Variants in TDRD9 observed in about 807,000 individuals in gnomAD.
The protein encoded by TDRD9 is tudor domain containing 9, also known as ATP-dependent RNA helicase TDRD9.
A neutral mutation model predicts 172.6 loss-of-function variants in TDRD9; 124 were observed. The observed-to-expected ratio is 0.72, with a 90% CI of 0.62 to 0.83. The LOEUF is 0.83. Ranked by LOEUF, TDRD9 falls within the 40% of genes least tolerant of loss-of-function variation. The pLI, the probability that TDRD9 is intolerant of heterozygous loss-of-function variation, is 0.00. For synonymous variants in TDRD9, 619 were observed against 617.1 expected (o/e 1.00, Z -0.05); for missense variants, 1,479 against 1,714.1 (o/e 0.86, Z 2.42).
chr14:103,991,882 G>A (rs190199718), intron 9 of TDRD9, among the ~76,000 whole-genome samples: 10 of 151,986 alleles, frequency 6.6e-5, no homozygotes, highest in African/African-American at 2.2e-4. Flanking sequence ...CTAAGCCTCC[G>A]AAGTAGCTGG....
chr14:104,035,822 CCTTTT>C (rs1224622977), intron 32 of TDRD9, among the ~76,000 whole-genome samples: 4 of 151,950 alleles, frequency 2.6e-5, no homozygotes, highest in Non-Finnish European at 4.4e-5. Context: ...GGAAAGTTAC[CCTTTT>C]CTTCTTTTCT....
At chr14:104,002,932 T>A (rs781608280) in intron 13 of TDRD9, among the ~76,000 whole-genome samples, 1 of 152,222 alleles carries the variant, frequency 6.6e-6, no homozygotes, top group Admixed American at 6.5e-5. Flanking sequence ...GGTTTCACCA[T>A]GTTGGCCAGG....
chr14:104,025,336 G>A (rs548000058), intron 25 of TDRD9, among the ~76,000 whole-genome samples: 3 of 152,116 alleles, frequency 2.0e-5, no homozygotes, highest in African/African-American at 4.8e-5. Flanking sequence ...GTCTTGTACC[G>A]CCAAGAAAAG....
intron 20 of TDRD9, among the ~76,000 whole-genome samples, chr14:104,012,933 C>A (rs977891719): frequency 6.6e-6 from 1 of 152,126 alleles, no homozygotes; most frequent in Non-Finnish European, 1.5e-5. Context: ...TTGTTCATTT[C>A]TGATTTTATT....
Position 104,026,854 on chromosome 14 carries a change from C to T in TDRD9, c.3197C>T (p.Ser1066Leu), listed in dbSNP as rs2035137718. 6.2e-7 allele frequency: 1 copy of T among 1,614,020 alleles called. No homozygotes were observed. Among genetic ancestry groups the T allele is most frequent in the Non-Finnish European group, 8.5e-7 (1 of 1,179,886 alleles). Reference sequence around the variant, plus strand: ...CTGCACGTGGATGTGTACCAGTACTCAGGGGTCCAGGATGCCATCAACATA... The same window carrying T: ...CTGCACGTGGATGTGTACCAGTACTTAGGGGTCCAGGATGCCATCAACATA... Reference protein sequence around the residue: ...SVLHVDVYQYSGVQDAINIRD... With the variant: ...SVLHVDVYQYLGVQDAINIRD... Residue 1066 changes from serine (S) to leucine (L), a missense_variant, in exon 28 of 36, where the codon TCA becomes TTA. By Grantham distance (145) the Ser-to-Leu change is moderately radical. This residue lies in a region of TDRD9 where 1,413 missense variants were observed against 1,649.1 expected (regional missense o/e 0.86). Transcript: ENST00000409874.
chr14:104,044,992 A>C (rs1432461812), intron 34 of TDRD9, among the ~76,000 whole-genome samples: 1 of 152,052 alleles, frequency 6.6e-6, no homozygotes, highest in Admixed American at 6.5e-5. Context: ...AAAACACAAA[A>C]ATTAGTAGGG....
In TDRD9 at chr14:104,005,360, G is replaced by A. The variant is rs750571930; in HGVS notation, c.1668G>A (p.Pro556=). 1.5e-5 allele frequency: 25 copies of A among 1,613,734 alleles called. No individual in the cohort carries two copies. The South Asian group carries it at 2.3e-4, about 15-fold the overall frequency. The change falls in exon 15 of 36, where the codon CCG becomes CCA. Residue 556 remains proline (P), a synonymous_variant. Coordinates refer to ENST00000409874, the MANE Select transcript of TDRD9 (RefSeq NM_153046.3). ...PRALLATALS[P]PGLSDIERTI... Reference sequence around the variant, plus strand: ...CTCTGCTGGCCACTGCCCTTTCCCCGCCTGGTCTGAGTGACATTGAGCGCA... The same window carrying A: ...CTCTGCTGGCCACTGCCCTTTCCCCACCTGGTCTGAGTGACATTGAGCGCA...
At chr14:103,967,235 G>T (rs1012788029) in intron 5 of TDRD9, among the ~76,000 whole-genome samples, 3 of 150,462 alleles carry the variant, frequency 2.0e-5, no homozygotes, top group African/African-American at 7.3e-5. Context: ...TGGGCAACGG[G>T]CTCATGCCTG....
intron 23 of TDRD9, among the ~76,000 whole-genome samples, chr14:104,020,711 G>A (rs889876154): frequency 2.6e-5 from 4 of 152,162 alleles, no homozygotes; most frequent in African/African-American, 9.7e-5. Flanking sequence ...ACTGCTCAAG[G>A]TGTACATTTC....
Position 103,941,744 on chromosome 14 carries a change from T to C in TDRD9, c.215+13020T>C, listed in dbSNP as rs565182416. On this transcript the variant is annotated intron_variant, in intron 1 of 35. Coordinates refer to ENST00000409874, the MANE Select transcript of TDRD9 (RefSeq NM_153046.3). ...ACTTGTTTATTTGCTCAAAATGTTA[T>C]GTTCTTCTGAGCAAATATTTGTTTC... is the stretch of plus-strand genomic sequence containing the variant. The C allele has an allele frequency of 2.9e-3, 3,842 of 1,338,278 alleles. 12 individuals are homozygous for C. Among genetic ancestry groups the C allele is most frequent in the Non-Finnish European group, 3.4e-3 (3,378 of 1,006,650 alleles). 82.9% of individuals were successfully genotyped at this position (1,338,278 alleles called of 1,614,324 possible).
At chr14:103,938,700 G>A (rs111747126) in intron 1 of TDRD9, among the ~76,000 whole-genome samples, 1 of 151,800 alleles carries the variant, frequency 6.6e-6, no homozygotes, top group Admixed American at 6.6e-5. Context: ...GCCTCCCAAA[G>A]TGCTGGGATT....
chr14:104,008,560 T>C lies in TDRD9; in HGVS notation c.2106+94T>C, dbSNP rs529449042. On this transcript the variant is annotated intron_variant, in intron 20 of 35. Transcript: ENST00000409874. Reference sequence around the variant, plus strand: ...CAATATTTATTAAGTACGTGGGTAGTAATGAGTATTCCAAGAAGTGTATTT... The same window carrying C: ...CAATATTTATTAAGTACGTGGGTAGCAATGAGTATTCCAAGAAGTGTATTT... The C allele has an allele frequency of 2.0e-4, 157 of 804,084 alleles. 1 individual carries two copies. In the African/African-American group the frequency reaches 2.4e-3, roughly 12 times the overall value. The allele number at this position is 804,084 out of a possible 1,614,324, so 49.8% of individuals were successfully genotyped here. A position where few individuals can be genotyped will look rare whatever the true frequency, so the allele number is the denominator to read the frequency against.
intron 28 of TDRD9, among the ~76,000 whole-genome samples, chr14:104,030,198 T>TA (rs2035240694): frequency 1.3e-5 from 2 of 151,982 alleles, no homozygotes; most frequent in African/African-American, 2.4e-5. Flanking sequence ...AAAAGAAAAT[T>TA]AAAAAAACTG....
At position 104,016,028 on chromosome 14, in the gene TDRD9, G is replaced by A; in HGVS notation, c.2271G>A (p.Gln757=). Residue 757 remains glutamine (Q), a synonymous_variant, in exon 22 of 36, where the codon CAG becomes CAA. Transcript: ENST00000409874. ...AFYPNYFTFG[Q]PDEEMAVREL... The stretch of plus-strand genomic sequence containing the variant: ...ATCCAAATTACTTTACTTTTGGACA[G>A]CCGGATGAGGAGATGGCGGTGAGGG... 6.2e-7 allele frequency: 1 copy of A among 1,602,942 alleles called. No individual in the cohort carries two copies. The highest frequency in any genetic ancestry group is 2.2e-5 in the East Asian group (1 of 44,570).
At chr14:103,959,475 T>TGTGTGTGTGTATG (rs2032399161) in intron 2 of TDRD9, among the ~76,000 whole-genome samples, 1 of 135,448 alleles carries the variant, frequency 7.4e-6, no homozygotes, top group Admixed American at 8.2e-5. Flanking sequence ...TGTGTGTGTG[T>TGTGTGTGTGTATG]GTGTGTATGT....
intron 1 of TDRD9, chr14:103,941,157 CTT>C: frequency 7.5e-7 from 1 of 1,334,638 alleles, no homozygotes; most frequent in African/African-American, 1.5e-5. Context: ...TGTTATATCT[CTT>C]TATCTCCAAA....
intron 20 of TDRD9, among the ~76,000 whole-genome samples, chr14:104,014,433 C>T (rs2034719341): frequency 6.6e-6 from 1 of 151,828 alleles, no homozygotes; most frequent in African/African-American, 2.4e-5. Context: ...GTCTGCGCCA[C>T]CACGCCCAGC....
At chr14:103,976,520 C>T (rs1167129282) in intron 7 of TDRD9, among the ~76,000 whole-genome samples, 2 of 152,170 alleles carry the variant, frequency 1.3e-5, no homozygotes, top group East Asian at 3.9e-4. Flanking sequence ...CTCAGCCTCC[C>T]AAAGTGCTGG....
At chr14:103,986,166 C>A in intron 7 of TDRD9, 51 bp from the exon 8 acceptor site, 1 of 1,386,172 alleles carries the variant, frequency 7.2e-7, no homozygotes. Context: ...CGCCAGGTTT[C>A]TTCTGTAATC....
Sources: gnomAD v4.1 joint callset for allele counts (sites outside exome capture counted in the v4.1 genomes callset) on GRCh38, gnomAD v4.1.1 for gene constraint, gnomAD v4.1.1 regional missense constraint, MANE v1.5 for transcripts, NCBI Gene and HGNC (gene_info 2026-07-23, HGNC 2026-07-21) for gene names.